The following EFR3B variants were observed in gnomAD, a reference collection of about 807,000 sequenced individuals.
The protein encoded by EFR3B is protein EFR3 homolog B.
Under a neutral mutation model 104.7 loss-of-function variants are expected in EFR3B, and 64 were observed. The observed-to-expected ratio is 0.61, with a 90% CI of 0.50 to 0.75. The LOEUF is 0.75. Ranked by LOEUF, EFR3B falls within the 30% of genes least tolerant of loss-of-function variation. The probability of loss-of-function intolerance (pLI) is 0.00; values close to 1 mark genes in which losing one functional copy is unlikely to be tolerated. For synonymous variants in EFR3B, 385 were observed against 417.9 expected (o/e 0.92, Z 0.96); for missense variants, 750 against 1,078.5 (o/e 0.70, Z 4.27).
At chr2:25,080,751 C>CT in intron 1 of EFR3B, 1 of 1,283,360 alleles carries the variant, frequency 7.8e-7, no homozygotes, top group South Asian at 1.3e-5. Context: ...CAAAGATTTT[C>CT]TTTTGGCGTT....
chr2:25,107,155 G>T (rs1012829241), intron 4 of EFR3B, among the ~76,000 whole-genome samples: 3 of 152,104 alleles, frequency 2.0e-5, no homozygotes, highest in African/African-American at 7.2e-5. Context: ...AGAATCTGGG[G>T]GGTGGCAAGG....
Position 25,154,623 on chromosome 2 carries a change from G to A in EFR3B, c.*283G>A, listed in dbSNP as rs1671109027. On this transcript the variant is annotated 3_prime_UTR_variant, in exon 23 of 23. Transcript: ENST00000403714. This position sits in a 1 kb window ranked among gnomAD's most constrained non-coding sequence, Gnocchi z 4.1. ...GCAGAGAATCATGGGGTGTCTCTCA[G>A]GAGAAGCCGGGGGGAGGGGGCTGAG... The A allele has an allele frequency of 5.3e-6, 2 of 374,566 alleles. No homozygotes were observed. The highest frequency in any genetic ancestry group is 5.7e-5 in the South Asian group (1 of 17,456). 23.2% of individuals were successfully genotyped at this position (374,566 alleles called of 1,614,324 possible).
At chr2:25,144,766 C>G (rs953417061) in intron 18 of EFR3B, among the ~76,000 whole-genome samples, 194 bp from the exon 19 acceptor site, 1 of 152,210 alleles carries the variant, frequency 6.6e-6, no homozygotes, top group Non-Finnish European at 1.5e-5. Flanking sequence ...ACAAAACTGA[C>G]CACCCTAAGA....
At position 25,130,081 on chromosome 2, in the gene EFR3B, A is replaced by G. The variant is rs1310654596; in HGVS notation, c.742A>G (p.Ile248Val). 6.4e-7 allele frequency: 1 copy of G among 1,551,660 alleles called. No individual in the cohort carries two copies. Among genetic ancestry groups the G allele is most frequent in the African/African-American group, 1.4e-5 (1 of 73,038 alleles). Residue 248 changes from isoleucine to valine, a missense_variant, in exon 7 of 23, where the codon ATC (isoleucine) becomes GTC (valine). Ile to Val is a conservative substitution (Grantham distance 29, BLOSUM62 3). Transcript: ENST00000403714. The surrounding 1 kb of genome is among the most constrained non-coding windows in gnomAD (Gnocchi z 4.6). ...ELLGRAAFGN[I>V]KNAIKPVLIH... ...GCTGGGCCGGGCTGCCTTTGGCAACATCAAAAACGCCATCAAGCCTGTTCT... is the reference window on the plus strand; with the variant it reads ...GCTGGGCCGGGCTGCCTTTGGCAACGTCAAAAACGCCATCAAGCCTGTTCT...
At position 25,131,584 on chromosome 2, in the gene EFR3B, G is replaced by A. The variant is rs1279529341; in HGVS notation, c.985+81G>A. 2.0e-6 allele frequency: 3 copies of A among 1,523,002 alleles called. No homozygotes were observed. The highest frequency in any genetic ancestry group is 2.8e-5 in the African/African-American group (2 of 72,330). 94.3% of individuals were successfully genotyped at this position (1,523,002 alleles called of 1,614,324 possible). Reference sequence around the variant, plus strand: ...TTACAGAGAGAGGCAAGGGACAACAGGGAGGGGTCGGAGTCCGTTTTCCTC... The same window carrying A: ...TTACAGAGAGAGGCAAGGGACAACAAGGAGGGGTCGGAGTCCGTTTTCCTC... On this transcript the variant is annotated intron_variant, in intron 9 of 22. Coordinates refer to ENST00000403714, the MANE Select transcript of EFR3B (RefSeq NM_014971.2). The surrounding 1 kb of genome is among the most constrained non-coding windows in gnomAD (Gnocchi z 7.6).
chr2:25,122,053 G>A (rs1445356798), intron 5 of EFR3B, among the ~76,000 whole-genome samples: 7 of 150,962 alleles, frequency 4.6e-5, no homozygotes, highest in Non-Finnish European at 1.0e-4. Flanking sequence ...TGCAACCTCC[G>A]CCTCCCAGGT....
chr2:25,129,453 G>A (rs1300609500), intron 6 of EFR3B, among the ~76,000 whole-genome samples: 1 of 141,676 alleles, frequency 7.1e-6, no homozygotes, highest in East Asian at 2.1e-4. Context: ...TCTGGGCTGG[G>A]AGTCCTCCGG....
chr2:25,048,012 G>T (rs1398143987), intron 1 of EFR3B, among the ~76,000 whole-genome samples: 1 of 151,764 alleles, frequency 6.6e-6, no homozygotes, highest in African/African-American at 2.4e-5. Context: ...TTGTTTAGAC[G>T]GTTGGAACCT....
intron 1 of EFR3B, among the ~76,000 whole-genome samples, chr2:25,063,770 G>A (rs76362909): frequency 1.3e-5 from 2 of 152,168 alleles, no homozygotes; most frequent in Non-Finnish European, 2.9e-5. Context: ...ATGACAGTGT[G>A]GCAGTAACAG....
chr2:25,064,984 T>G (rs1341410462), intron 1 of EFR3B, among the ~76,000 whole-genome samples: 1 of 152,206 alleles, frequency 6.6e-6, no homozygotes, highest in South Asian at 2.1e-4. Flanking sequence ...CAGGACCACC[T>G]TGGCAGTTCA....
At chr2:25,098,723 C>G (rs1478344708) in intron 3 of EFR3B, among the ~76,000 whole-genome samples, 2 of 151,590 alleles carry the variant, frequency 1.3e-5, no homozygotes, top group South Asian at 2.1e-4. Context: ...ATCATGTGTT[C>G]AAAGAACTGG....
Position 25,135,570 on chromosome 2 carries a change from T to C in EFR3B, c.1415T>C (p.Leu472Pro), listed in dbSNP as rs1421549475. 1.3e-6 allele frequency: 2 copies of C among 1,551,998 alleles called. No individual in the cohort carries two copies. The highest frequency in any genetic ancestry group is 1.7e-6 in the Non-Finnish European group (2 of 1,147,062). The change falls in exon 13 of 23, where the codon CTC becomes CCC. Residue 472 changes from leucine (L) to proline (P), a missense_variant. Transcript: ENST00000403714. The stretch of plus-strand genomic sequence containing the variant: ...CTCATGGAGGATGCAGAAATTCGAC[T>C]CTTTGTTCTAGAGATTCTCATCAGT... ...TALMEDAEIR[L>P]FVLEILISFI... is the part of the protein sequence containing the mutation.
intron 3 of EFR3B, among the ~76,000 whole-genome samples, chr2:25,101,510 G>A (rs1359770686): frequency 1.3e-5 from 2 of 152,018 alleles, no homozygotes; most frequent in Non-Finnish European, 2.9e-5. Context: ...CACCATGCCT[G>A]GCTAATTTTT....
At chr2:25,125,714 C>T (rs187856055) in intron 5 of EFR3B, among the ~76,000 whole-genome samples, 6 of 152,208 alleles carry the variant, frequency 3.9e-5, no homozygotes, top group East Asian at 3.9e-4. Flanking sequence ...TTTGGGAGGC[C>T]AAGGCGGGAG....
At position 25,091,405 on chromosome 2, in the gene EFR3B, G is replaced by A. The variant is rs1411742823; in HGVS notation, c.84+4G>A. On this transcript the variant is annotated splice_donor_region_variant and intron_variant, in intron 2 of 22. Transcript: ENST00000403714. ...CATCTTCCCTGAGGATCCCGAGGTG[G>A]GTCATGTCTCTGGCAGGCATCGTGG... 1 of 1,548,296 alleles carries A rather than the reference G, an allele frequency of 6.5e-7. No individual in the cohort carries two copies. Among genetic ancestry groups the A allele is most frequent in the Admixed American group, 2.0e-5 (1 of 50,340 alleles).
chr2:25,082,696 A>G (rs779442674), intron 1 of EFR3B, among the ~76,000 whole-genome samples: 3 of 152,142 alleles, frequency 2.0e-5, no homozygotes, highest in African/African-American at 7.2e-5. Context: ...ACCACCACCC[A>G]TGGGTTGGAC....
intron 1 of EFR3B, among the ~76,000 whole-genome samples, chr2:25,083,992 T>G (rs1668880058): frequency 6.6e-6 from 1 of 152,208 alleles, no homozygotes; most frequent in Non-Finnish European, 1.5e-5. Context: ...AACTGTAACC[T>G]ATCCCTGCCC....
intron 12 of EFR3B, among the ~76,000 whole-genome samples, chr2:25,134,822 C>T (rs1670476179): frequency 6.6e-6 from 1 of 152,170 alleles, no homozygotes. Flanking sequence ...TGGGGTACAT[C>T]CTTAGGGACC....
At chr2:25,093,231 A>C (rs1573197538) in intron 3 of EFR3B, 101 bp downstream of exon 3, 21 of 1,442,578 alleles carry the variant, frequency 1.5e-5, no homozygotes, top group East Asian at 2.5e-5. Context: ...AGAGTGGCTC[A>C]CGCCTGTAAT....
Sources: allele counts gnomAD v4.1 joint callset (sites outside exome capture counted in the v4.1 genomes callset), GRCh38; gene constraint gnomAD v4.1.1; non-coding constraint Gnocchi (gnomAD v3.1); transcripts MANE v1.5; gene names NCBI Gene and HGNC (gene_info 2026-07-23, HGNC 2026-07-21).